Variants in APOL6 observed in about 807,000 individuals in gnomAD.
APOL6 encodes the protein apolipoprotein L, 6.
A neutral mutation model predicts 2.4 loss-of-function variants in APOL6; 1 was observed. The observed-to-expected ratio is 0.41, with a 90% CI of 0.15 to 1.94. APOL6 has a LOEUF of 1.94. Among genes scored for constraint, APOL6 ranks in the 30% most tolerant of loss-of-function variants. The pLI, the probability that APOL6 is intolerant of heterozygous loss-of-function variation, is 0.30. For missense variants in APOL6, 438 were observed against 429.2 expected, an observed-to-expected ratio of 1.02 and a Z score of -0.18; for synonymous variants, 189 against 169.3, an observed-to-expected ratio of 1.12 and a Z score of -0.90.
rs180740912 is a variant in APOL6, at chr22:35,657,677, G to A, written c.51-938G>A. ...GGCCCCCCACTGAATCATAAAGGAG[G>A]TGGCCCAGATCCTCTCCAGGCCTCC... On this transcript the variant is annotated intron_variant, in intron 2 of 2. Coordinates refer to ENST00000409652, the MANE Select transcript of APOL6 (RefSeq NM_030641.4). Among the ~76,000 whole-genome samples, 20 of 152,278 alleles carry A rather than the reference G, an allele frequency of 1.3e-4. 1 individual carries two copies. The highest frequency in any genetic ancestry group is 1.2e-3 in the East Asian group (6 of 5,172).
In APOL6 at chr22:35,665,485, G is replaced by T. The variant is rs1925152045; in HGVS notation, c.*5889G>T. On this transcript the variant is annotated 3_prime_UTR_variant, in exon 3 of 3. Coordinates refer to ENST00000409652, the MANE Select transcript of APOL6 (RefSeq NM_030641.4). ...GTAAGGGCCGATTTTGAAAGATCCA[G>T]TAAGTTCAGTTTCTCTATGAACTAA... is the stretch of plus-strand genomic sequence containing the variant. The T allele has an allele frequency of 6.6e-6, 1 of 152,156 alleles. No individual in the cohort carries two copies. Among genetic ancestry groups the T allele is most frequent in the African/African-American group, 2.4e-5 (1 of 41,446 alleles). The allele number at this position is 152,156 out of a possible 1,614,324, so 9.4% of individuals were successfully genotyped here. A position where few individuals can be genotyped will look rare whatever the true frequency, so the allele number is the denominator to read the frequency against.
chr22:35,656,271 T>A, intron 1 of APOL6, 108 bp from the exon 2 acceptor site: 1 of 804,992 alleles, frequency 1.2e-6, no homozygotes, highest in Non-Finnish European at 2.1e-6. Context: ...TTTAGTATGC[T>A]ATGTGGTTGT....
At chr22:35,649,209 G>C (rs953352338) in intron 1 of APOL6, among the ~76,000 whole-genome samples, 12 of 152,188 alleles carry the variant, frequency 7.9e-5, no homozygotes, top group African/African-American at 2.7e-4. Context: ...GCTAAGGCAA[G>C]CGGATTGCTT....
At position 35,658,763 on chromosome 22, in the gene APOL6, A is replaced by G. The variant is rs764109784; in HGVS notation, c.199A>G (p.Ile67Val). 52 of 1,614,048 alleles carry G rather than the reference A, an allele frequency of 3.2e-5. No homozygotes were observed. Among genetic ancestry groups the G allele is most frequent in the Admixed American group, 8.3e-5 (5 of 60,002 alleles). ...IDKLRALADD[I>V]DKTHKKFTKA... Reference sequence around the variant, plus strand: ...CAAGCTCCGTGCCCTCGCAGACGATATTGACAAAACCCACAAGAAATTCAC... The same window carrying G: ...CAAGCTCCGTGCCCTCGCAGACGATGTTGACAAAACCCACAAGAAATTCAC... Residue 67 changes from isoleucine (I) to valine (V), a missense_variant, in exon 3 of 3, where the codon ATT becomes GTT. Coordinates refer to ENST00000409652, the MANE Select transcript of APOL6 (RefSeq NM_030641.4).
chr22:35,659,379 G>C lies in APOL6; in HGVS notation c.815G>C (p.Arg272Thr), dbSNP rs1346444421. ...AGGACAAAGTTTGCGGAAGAGTTGA[G>C]AGCCAAGGCCTTGGAGCTGGAGAGG... Reference protein sequence around the residue: ...GARTKFAEELRAKALELERKL... With the variant: ...GARTKFAEELTAKALELERKL... The change falls in exon 3 of 3, where the codon AGA becomes ACA. Residue 272 changes from arginine to threonine, a missense_variant. Coordinates refer to ENST00000409652, the MANE Select transcript of APOL6 (RefSeq NM_030641.4). 1 of 1,614,084 alleles carries C rather than the reference G, an allele frequency of 6.2e-7. No homozygotes were observed. The highest frequency in any genetic ancestry group is 1.6e-4 in the Middle Eastern group (1 of 6,062).
chr22:35,653,276 A>G (rs895892402), intron 1 of APOL6, among the ~76,000 whole-genome samples: 2 of 152,190 alleles, frequency 1.3e-5, no homozygotes, highest in Non-Finnish European at 2.9e-5. Flanking sequence ...GAAGTTGCCT[A>G]TCAGCTTAAG....
Position 35,664,412 on chromosome 22 carries a change from C to G in APOL6, c.*4816C>G, listed in dbSNP as rs539760574. 6.6e-6 allele frequency: 1 copy of G among 152,346 alleles called. No homozygotes were observed. The highest frequency in any genetic ancestry group is 6.5e-5 in the Admixed American group (1 of 15,302). 9.4% of individuals were successfully genotyped at this position (152,346 alleles called of 1,614,324 possible). ...TAAGGAGGTTTGTTTTGGGAAAGGA[C>G]TGTTATTGTCATTGTTTCGAAGCTG... is the stretch of plus-strand genomic sequence containing the variant. On this transcript the variant is annotated 3_prime_UTR_variant, in exon 3 of 3. Transcript: ENST00000409652.
At position 35,666,716 on chromosome 22, in the gene APOL6, G is replaced by T. The variant is rs1925194407; in HGVS notation, c.*7120G>T. On this transcript the variant is annotated 3_prime_UTR_variant, in exon 3 of 3. Coordinates refer to ENST00000409652, the MANE Select transcript of APOL6 (RefSeq NM_030641.4). ...TTCAGGACTCATGGAGAGCTAAAATGTTCATGAGTATCAAGCAGAACAGGA... is the reference window on the plus strand; with the variant it reads ...TTCAGGACTCATGGAGAGCTAAAATTTTCATGAGTATCAAGCAGAACAGGA... 6.6e-6 allele frequency: 1 copy of T among 152,164 alleles called. No individual in the cohort carries two copies. Among genetic ancestry groups the T allele is most frequent in the Admixed American group, 6.5e-5 (1 of 15,286 alleles). The allele number at this position is 152,164 out of a possible 1,614,324, so 9.4% of individuals were successfully genotyped here. A position where few individuals can be genotyped will look rare whatever the true frequency, so the allele number is the denominator to read the frequency against.
In APOL6 at chr22:35,665,787, T is replaced by A. The variant is rs1440143591; in HGVS notation, c.*6191T>A. 1 of 152,234 alleles carries A rather than the reference T, an allele frequency of 6.6e-6. No individual in the cohort carries two copies. The highest frequency in any genetic ancestry group is 2.1e-4 in the South Asian group (1 of 4,834). The allele number at this position is 152,234 out of a possible 1,614,324, so 9.4% of individuals were successfully genotyped here. A position where few individuals can be genotyped will look rare whatever the true frequency, so the allele number is the denominator to read the frequency against. On this transcript the variant is annotated 3_prime_UTR_variant, in exon 3 of 3. Coordinates refer to ENST00000409652, the MANE Select transcript of APOL6 (RefSeq NM_030641.4). ...AGGTTTTTGCTTTTTTTGAAATCCT[T>A]GAATTATCACTTGGATTAAATAAAT...
Position 35,659,856 on chromosome 22 carries a change from C to T in APOL6, c.*260C>T, listed in dbSNP as rs1924973494. Reference sequence around the variant, plus strand: ...TCTCGGCTCACTGCAACCTCTGCCTCCTGAGTGCAAGCAAGTCTCCTGCCT... The same window carrying T: ...TCTCGGCTCACTGCAACCTCTGCCTTCTGAGTGCAAGCAAGTCTCCTGCCT... On this transcript the variant is annotated 3_prime_UTR_variant, in exon 3 of 3. Coordinates refer to ENST00000409652, the MANE Select transcript of APOL6 (RefSeq NM_030641.4). 4.2e-6 allele frequency: 2 copies of T among 476,538 alleles called. No homozygotes were observed. The highest frequency in any genetic ancestry group is 6.8e-5 in the Admixed American group (2 of 29,268). The allele number at this position is 476,538 out of a possible 1,614,324, so 29.5% of individuals were successfully genotyped here. A position where few individuals can be genotyped will look rare whatever the true frequency, so the allele number is the denominator to read the frequency against.
Position 35,663,387 on chromosome 22 carries a change from G to T in APOL6, c.*3791G>T, listed in dbSNP as rs1389036372. On this transcript the variant is annotated 3_prime_UTR_variant, in exon 3 of 3. Transcript: ENST00000409652. ...TTTTAAAGAAGCTCAGTGGTTGAAA[G>T]TCTGCTTAACTGAAACAGTAACATC... The T allele has an allele frequency of 1.3e-5, 2 of 151,998 alleles. No individual in the cohort carries two copies. The highest frequency in any genetic ancestry group is 2.9e-5 in the Non-Finnish European group (2 of 67,994). The allele number at this position is 151,998 out of a possible 1,614,324, so 9.4% of individuals were successfully genotyped here.
At chr22:35,650,604 GAATGAATGGCTATA>G (rs976160127) in intron 1 of APOL6, among the ~76,000 whole-genome samples, 11 of 152,112 alleles carry the variant, frequency 7.2e-5, no homozygotes, top group Non-Finnish European at 1.6e-4. Flanking sequence ...GTGAATGAAT[GAATGAATGGCTATA>G]AATGAATGGC....
intron 1 of APOL6, among the ~76,000 whole-genome samples, chr22:35,649,294 G>A (rs979809605): frequency 1.1e-4 from 17 of 152,116 alleles, no homozygotes; most frequent in Admixed American, 9.2e-4. Flanking sequence ...AAATAGCTGG[G>A]CGTGATGGTG....
Position 35,659,573 on chromosome 22 carries a change from T to A in APOL6, c.1009T>A (p.Cys337Ser), listed in dbSNP as rs1453855077. 1 of 1,611,528 alleles carries A rather than the reference T, an allele frequency of 6.2e-7. No individual in the cohort carries two copies. The highest frequency in any genetic ancestry group is 8.5e-7 in the Non-Finnish European group (1 of 1,178,904). ...GTGGCTGTGTGTGTGTCTGTGTGTCTGTGTGTATGTACAGTTTACATGAAT... is the reference window on the plus strand; with the variant it reads ...GTGGCTGTGTGTGTGTCTGTGTGTCAGTGTGTATGTACAGTTTACATGAAT... The part of the protein sequence containing the change: ...WLWLCVCLCV[C>S]VYVQFT The change falls in exon 3 of 3, where the codon TGT becomes AGT. Residue 337 changes from cysteine (C) to serine (S), a missense_variant. By Grantham distance (112) the Cys-to-Ser change is moderately radical. Transcript: ENST00000409652.
rs908102984 is a variant in APOL6 at position 35,663,911 on chromosome 22, A to G, written c.*4315A>G. On this transcript the variant is annotated 3_prime_UTR_variant, in exon 3 of 3. Transcript: ENST00000409652. ...CTATTGGCATGCCTAATACGTCTTT[A>G]TATGTATGTATGTGTTGTGTACACG... 1 of 152,180 alleles carries G rather than the reference A, an allele frequency of 6.6e-6. No homozygotes were observed. The highest frequency in any genetic ancestry group is 1.9e-4 in the East Asian group (1 of 5,188). 9.4% of individuals were successfully genotyped at this position (152,180 alleles called of 1,614,324 possible). A position where few individuals can be genotyped will look rare whatever the true frequency, so the allele number is the denominator to read the frequency against.
intron 1 of APOL6, among the ~76,000 whole-genome samples, chr22:35,655,237 A>G (rs1924813856): frequency 6.6e-6 from 1 of 152,208 alleles, no homozygotes; most frequent in Non-Finnish European, 1.5e-5. Flanking sequence ...TTTTTCTCTT[A>G]TGAATCTGTC....
In APOL6 at chr22:35,652,782, C is replaced by A. The variant is rs540588716; in HGVS notation, c.-47-3597C>A. Among the ~76,000 whole-genome samples the A allele has an allele frequency of 9.9e-5, 15 of 152,076 alleles. No homozygotes were observed. In the East Asian group the frequency reaches 2.9e-3, roughly 29 times the overall value. ...TCTCTGTTTTGGTACCAGTACCATG[C>A]TGTTTTGGTTACTGTAGCCTTGTAG... On this transcript the variant is annotated intron_variant, in intron 1 of 2. Coordinates refer to ENST00000409652, the MANE Select transcript of APOL6 (RefSeq NM_030641.4).
rs761632800 is a variant in APOL6 at position 35,659,375 on chromosome 22, T to C, written c.811T>C (p.Leu271=). The C allele has an allele frequency of 1.9e-6, 3 of 1,613,584 alleles. No individual in the cohort carries two copies. Among genetic ancestry groups the C allele is most frequent in the Non-Finnish European group, 2.5e-6 (3 of 1,179,894 alleles). Reference sequence around the variant, plus strand: ...AGCAAGGACAAAGTTTGCGGAAGAGTTGAGAGCCAAGGCCTTGGAGCTGGA... The same window carrying C: ...AGCAAGGACAAAGTTTGCGGAAGAGCTGAGAGCCAAGGCCTTGGAGCTGGA... ...EGARTKFAEE[L]RAKALELERK... Residue 271 remains leucine (L), a synonymous_variant, in exon 3 of 3, where the codon TTG becomes CTG. Transcript: ENST00000409652.
Position 35,658,869 on chromosome 22 carries a change from C to A in APOL6, c.305C>A (p.Thr102Lys), listed in dbSNP as rs778035401. ...SLLGLALAPA[T>K]GGGSLLLSTA... ...CTGGGTTTAGCCCTTGCCCCAGCAA[C>A]AGGAGGAGGAAGCCTGCTGCTCTCC... The change falls in exon 3 of 3, where the codon ACA becomes AAA. Residue 102 changes from threonine to lysine, a missense_variant. By Grantham distance (78) the Thr-to-Lys change is moderately conservative (BLOSUM62 -1). Transcript: ENST00000409652. The A allele has an allele frequency of 9.1e-5, 147 of 1,614,036 alleles. No homozygotes were observed. The highest frequency in any genetic ancestry group is 1.7e-4 in the Admixed American group (10 of 60,004).
Sources: allele counts gnomAD v4.1 joint callset (sites outside exome capture counted in the v4.1 genomes callset), GRCh38; gene constraint gnomAD v4.1.1; transcripts MANE v1.5; gene names NCBI Gene and HGNC (gene_info 2026-07-23, HGNC 2026-07-21).